The following TNR variants were observed in gnomAD, a reference collection of about 807,000 sequenced individuals.
TNR encodes the protein tenascin R.
TNR carries 45 observed loss-of-function variants against 150.4 expected under a neutral mutation model. That is an observed-to-expected ratio of 0.30 (90% CI 0.24 to 0.38). The LOEUF is 0.38. Ranked by LOEUF, TNR falls within the 10% of genes least tolerant of loss-of-function variation. The probability of loss-of-function intolerance (pLI) is 1.00; values close to 1 mark genes in which losing one functional copy is unlikely to be tolerated. For synonymous variants in TNR, 687 were observed against 678.4 expected (o/e 1.01, Z -0.20); for missense variants, 1,544 against 1,759.1 (o/e 0.88, Z 2.19).
chr1:175,354,444 T>C lies in TNR; in HGVS notation c.3329A>G (p.Gln1110Arg). ...LENTDYTVLL[Q>R]AAQDTTWSSI... ...GCTCCACGTGGTGTCCTGTGCTGCC[T>C]GCAGGAGCACCGTGTAGTCTGTGTT... The change falls in exon 18 of 23, where the codon CAG becomes CGG. Residue 1110 changes from glutamine (Q) to arginine (R), a missense_variant. By Grantham distance (43) the Gln-to-Arg change is conservative. Around this residue, in one of 2 missense-constraint regions of TNR, gnomAD observed 290 missense variants for 429.7 expected, o/e 0.67. Transcript: ENST00000367674. 6.2e-7 allele frequency: 1 copy of C among 1,614,164 alleles called. No homozygotes were observed. The highest frequency in any genetic ancestry group is 1.1e-5 in the South Asian group (1 of 91,090).
At chr1:175,737,394 C>T (rs1370670420) in intron 1 of TNR, among the ~76,000 whole-genome samples, 1 of 152,198 alleles carries the variant, frequency 6.6e-6, no homozygotes, top group East Asian at 1.9e-4. Flanking sequence ...TAAGGGCATT[C>T]TCTGTGCCAA....
intron 1 of TNR, among the ~76,000 whole-genome samples, chr1:175,679,446 A>G (rs140839036): frequency 1.4e-4 from 21 of 152,368 alleles, no homozygotes; most frequent in African/African-American, 4.1e-4. Flanking sequence ...GACAACATTA[A>G]TAGAAGACAT....
At chr1:175,421,234 C>T (rs1368699504) in intron 2 of TNR, among the ~76,000 whole-genome samples, 1 of 152,176 alleles carries the variant, frequency 6.6e-6, no homozygotes, top group African/African-American at 2.4e-5. Context: ...AACAATTCTC[C>T]TTCTCCAGGA....
Position 175,513,859 on chromosome 1 carries a change from G to A in TNR, c.-64+14410C>T, listed in dbSNP as rs374538637. Among the ~76,000 whole-genome samples the A allele has an allele frequency of 6.6e-5, 10 of 152,288 alleles. 1 individual carries two copies. Among genetic ancestry groups the A allele is most frequent in the African/African-American group, 2.4e-4 (10 of 41,564 alleles). ...CTCACTGCACATGCACATCTAATCC[G>A]CGGAAAATTTGTGAAAATGTAGATT... is the stretch of plus-strand genomic sequence containing the variant. On this transcript the variant is annotated intron_variant, in intron 2 of 22. Transcript: ENST00000367674.
chr1:175,510,564 C>A (rs987267535), intron 2 of TNR, among the ~76,000 whole-genome samples: 2 of 152,072 alleles, frequency 1.3e-5, no homozygotes, highest in African/African-American at 4.8e-5. Flanking sequence ...TTAGGTAAAG[C>A]AAATAATAAC....
At chr1:175,552,333 C>T (rs1660977045) in intron 1 of TNR, among the ~76,000 whole-genome samples, 1 of 152,180 alleles carries the variant, frequency 6.6e-6, no homozygotes, top group African/African-American at 2.4e-5. Flanking sequence ...ACCTCCAGTT[C>T]CTTCTGCTAA....
chr1:175,621,388 TC>T (rs1663971921), intron 1 of TNR, among the ~76,000 whole-genome samples: 1 of 152,076 alleles, frequency 6.6e-6, no homozygotes, highest in Admixed American at 6.6e-5. Flanking sequence ...CCTCCTTGCT[TC>T]CCTTCATGGA....
chr1:175,437,756 A>G (rs1404771538), intron 2 of TNR, among the ~76,000 whole-genome samples: 4 of 152,168 alleles, frequency 2.6e-5, no homozygotes, highest in Admixed American at 2.0e-4. Context: ...ACACCTCTAC[A>G]CAAATAAACT....
intron 1 of TNR, among the ~76,000 whole-genome samples, chr1:175,579,165 T>TTTCCTTCCTTCCTTTCTTCCTTCC (rs1662240873): frequency 1.5e-5 from 2 of 134,380 alleles, no homozygotes; most frequent in Admixed American, 1.5e-4. Flanking sequence ...TCGTTCCTTC[T>TTTCCTTCCTTCCTTTCTTCCTTCC]TTCCTTCCTT....
At chr1:175,692,483 T>G (rs1459686981) in intron 1 of TNR, among the ~76,000 whole-genome samples, 1 of 152,238 alleles carries the variant, frequency 6.6e-6, no homozygotes, top group Non-Finnish European at 1.5e-5. Context: ...CCTTCATCCA[T>G]CTTTCCATCT....
At chr1:175,565,154 C>T (rs980379251) in intron 1 of TNR, among the ~76,000 whole-genome samples, 1 of 152,168 alleles carries the variant, frequency 6.6e-6, no homozygotes, top group Non-Finnish European at 1.5e-5. Flanking sequence ...TTTCTTTTTA[C>T]AAATAAGGAC....
At chr1:175,652,248 A>G (rs1048112390) in intron 1 of TNR, among the ~76,000 whole-genome samples, 2 of 150,590 alleles carry the variant, frequency 1.3e-5, no homozygotes, top group Non-Finnish European at 3.0e-5. Flanking sequence ...TGTCACCTCG[A>G]GTTGAGAAAA....
At chr1:175,614,448 C>T (rs916911545) in intron 1 of TNR, among the ~76,000 whole-genome samples, 7 of 152,202 alleles carry the variant, frequency 4.6e-5, no homozygotes, top group African/African-American at 1.7e-4. Flanking sequence ...GCCTAGCAGA[C>T]ACTTAAGAGA....
intron 21 of TNR, among the ~76,000 whole-genome samples, chr1:175,325,043 A>G (rs1051669937): frequency 1.3e-5 from 2 of 152,216 alleles, no homozygotes; most frequent in Non-Finnish European, 2.9e-5. Context: ...TCCGTAAGAA[A>G]CAGGATGATG....
At chr1:175,431,873 G>A (rs925326533) in intron 2 of TNR, among the ~76,000 whole-genome samples, 2 of 113,856 alleles carry the variant, frequency 1.8e-5, no homozygotes, top group Non-Finnish European at 3.6e-5. Flanking sequence ...GGGGCAGGGG[G>A]CTGTCTGCAT....
At chr1:175,627,309 AAAAACTCTGATCCTTAGATCAGAGTTTAT>A (rs1558043947) in intron 1 of TNR, among the ~76,000 whole-genome samples, 1 of 152,224 alleles carries the variant, frequency 6.6e-6, no homozygotes, top group East Asian at 1.9e-4. Flanking sequence ...AGCTGGGATG[AAAAACTCTGATCCTTAGATCAGAGTTTAT>A]AAAACTTGTT....
chr1:175,415,497 G>A (rs968392066), intron 2 of TNR, among the ~76,000 whole-genome samples: 10 of 152,234 alleles, frequency 6.6e-5, no homozygotes, highest in Admixed American at 2.0e-4. Context: ...CACTAGGCGC[G>A]GCTGCCCAAC....
chr1:175,613,962 G>T (rs77357015), intron 1 of TNR, among the ~76,000 whole-genome samples: 3 of 152,222 alleles, frequency 2.0e-5, no homozygotes, highest in Non-Finnish European at 2.9e-5. Flanking sequence ...TCAAATCCTA[G>T]CCCAGCCATT....
chr1:175,688,883 T>C (rs1666275043), intron 1 of TNR, among the ~76,000 whole-genome samples: 1 of 152,248 alleles, frequency 6.6e-6, no homozygotes, highest in Admixed American at 6.5e-5. Context: ...ATGTCTTTTA[T>C]GACAGAAGCC....
Sources: gnomAD v4.1 joint callset for allele counts (sites outside exome capture counted in the v4.1 genomes callset) on GRCh38, gnomAD v4.1.1 for gene constraint, gnomAD v4.1.1 regional missense constraint, MANE v1.5 for transcripts, NCBI Gene and HGNC (gene_info 2026-07-23, HGNC 2026-07-21) for gene names.